Variants in CDH2 observed in about 807,000 individuals in gnomAD.
CDH2 encodes cadherin-2.
Under a neutral mutation model 92.0 loss-of-function variants are expected in CDH2, and 17 were observed. That is an observed-to-expected ratio of 0.18 (90% CI 0.13 to 0.28). The LOEUF (loss-of-function observed/expected upper bound fraction) is 0.28, where lower values mean the gene tolerates loss of function less well. Among genes scored for constraint, CDH2 ranks in the 10% least tolerant of loss-of-function variants. The pLI is 1.00. For synonymous variants in CDH2, 419 were observed against 415.9 expected (o/e 1.01, Z -0.09); for missense variants, 862 against 1,133.1 (o/e 0.76, Z 3.44).
intron 1 of CDH2, among the ~76,000 whole-genome samples, chr18:28,165,266 T>C (rs1281113352): frequency 3.9e-5 from 6 of 152,162 alleles, no homozygotes; most frequent in Admixed American, 3.3e-4. Context: ...CACTGTAACC[T>C]TGAACTACTG....
At chr18:28,061,702 A>T (rs567098140) in intron 2 of CDH2, among the ~76,000 whole-genome samples, 1 of 152,318 alleles carries the variant, frequency 6.6e-6, no homozygotes, top group African/African-American at 2.4e-5. Flanking sequence ...ATAATGTCTA[A>T]AGGGAAGAGG....
intron 2 of CDH2, among the ~76,000 whole-genome samples, chr18:28,078,069 C>T (rs191013020): frequency 1.4e-4 from 21 of 152,226 alleles, no homozygotes; most frequent in African/African-American, 4.6e-4. Context: ...AGATATCCCT[C>T]CCACAGAATA....
intron 1 of CDH2, among the ~76,000 whole-genome samples, chr18:28,173,724 C>A (rs1237853798): frequency 3.3e-5 from 5 of 152,080 alleles, no homozygotes; most frequent in African/African-American, 9.7e-5. Flanking sequence ...TAAATTAGAA[C>A]AATGGGGTTA....
At chr18:27,985,844 A>C in intron 11 of CDH2, 83 bp from the exon 12 acceptor site, 1 of 813,766 alleles carries the variant, frequency 1.2e-6, no homozygotes, top group Non-Finnish European at 2.0e-6. Context: ...CAAAGCTTCT[A>C]ACCTTCTGGC....
At position 27,963,670 on chromosome 18, in the gene CDH2, T is replaced by C. The variant is rs2011467218; in HGVS notation, c.2350-149A>G. The C allele has an allele frequency of 2.6e-5, 16 of 624,012 alleles. No individual in the cohort carries two copies. In the South Asian group the frequency reaches 3.0e-4, roughly 12 times the overall value. The allele number at this position is 624,012 out of a possible 1,614,324, so 38.7% of individuals were successfully genotyped here. On this transcript the variant is annotated intron_variant, in intron 14 of 15. Coordinates refer to ENST00000269141, the MANE Select transcript of CDH2 (RefSeq NM_001792.5). ...TTGCCACTATGAGTTTTTCATGTTA[T>C]GATTAAATATTTCTTTCACACAGCT...
intron 2 of CDH2, among the ~76,000 whole-genome samples, chr18:28,083,776 C>T (rs1344820110): frequency 1.3e-5 from 2 of 152,160 alleles, no homozygotes; most frequent in Non-Finnish European, 2.9e-5. Context: ...TGTTTTTCTG[C>T]TGAGGCAAAT....
In CDH2 at chr18:27,956,619, C is replaced by G. The variant is rs141757881; in HGVS notation, c.2515-4260G>C. 9.3e-3 allele frequency among the ~76,000 whole-genome samples: 1,418 copies of G among 152,246 alleles called. 15 individuals carry two copies. The highest frequency in any genetic ancestry group is 0.011 in the Non-Finnish European group (760 of 68,020). On this transcript the variant is annotated intron_variant, in intron 15 of 15. Coordinates refer to ENST00000269141, the MANE Select transcript of CDH2 (RefSeq NM_001792.5). ...CTAACTGGTCTTCGCCTGTCTCCAG[C>G]ACTGTTCCAGCTTCTTTCCTACAAA...
chr18:27,947,259 G>T (rs537562832), downstream of CDH2, among the ~76,000 whole-genome samples: 7 of 151,702 alleles, frequency 4.6e-5, no homozygotes, highest in African/African-American at 1.7e-4. Flanking sequence ...AGTATCACTA[G>T]AAAAAATGCT....
chr18:27,993,083 T>C (rs1390323305), intron 8 of CDH2, among the ~76,000 whole-genome samples: 1 of 152,190 alleles, frequency 6.6e-6, no homozygotes, highest in Non-Finnish European at 1.5e-5. Flanking sequence ...AAAATCAGCA[T>C]CCATTTGTGA....
intron 7 of CDH2, among the ~76,000 whole-genome samples, chr18:28,000,469 C>A (rs2012730573): frequency 6.6e-6 from 1 of 152,002 alleles, no homozygotes; most frequent in Non-Finnish European, 1.5e-5. Context: ...TACTATTATC[C>A]CCATTTATGG....
chr18:28,114,183 C>T (rs2144259182), intron 2 of CDH2, among the ~76,000 whole-genome samples: 1 of 152,154 alleles, frequency 6.6e-6, no homozygotes, highest in East Asian at 1.9e-4. Flanking sequence ...TTTCAAATAG[C>T]TAGAAGGAAG....
chr18:28,154,403 C>T (rs532628109), intron 1 of CDH2, among the ~76,000 whole-genome samples: 3 of 152,328 alleles, frequency 2.0e-5, no homozygotes, highest in Admixed American at 6.5e-5. Flanking sequence ...TCTGTGCTCT[C>T]GCACAATCAG....
intron 6 of CDH2, among the ~76,000 whole-genome samples, chr18:27,942,553 A>G (rs1197688653): frequency 6.6e-6 from 1 of 152,182 alleles, no homozygotes; most frequent in Admixed American, 6.5e-5. Flanking sequence ...TTCTCAAGGC[A>G]CTTGAGGATG....
intron 2 of CDH2, among the ~76,000 whole-genome samples, chr18:28,080,806 T>C (rs1168756479): frequency 2.6e-5 from 4 of 152,194 alleles, no homozygotes; most frequent in East Asian, 1.9e-4. Flanking sequence ...GAACGGCTTG[T>C]AATACAAAGA....
intron 2 of CDH2, among the ~76,000 whole-genome samples, chr18:28,014,433 A>G (rs764346839): frequency 2.0e-5 from 3 of 152,156 alleles, no homozygotes; most frequent in Non-Finnish European, 4.4e-5. Flanking sequence ...CAGTCTTAAT[A>G]CATAATTTCG....
chr18:27,985,885 A>G, intron 11 of CDH2, 124 bp from the exon 12 acceptor site: 1 of 625,016 alleles, frequency 1.6e-6, no homozygotes, highest in South Asian at 2.1e-5. Flanking sequence ...GGAAAAACAT[A>G]GTTGCTATGG....
At chr18:28,176,060 G>A (rs1375676058) in intron 1 of CDH2, among the ~76,000 whole-genome samples, 2 of 152,232 alleles carry the variant, frequency 1.3e-5, no homozygotes, top group East Asian at 1.9e-4. Flanking sequence ...AGCGTGCAGT[G>A]GCGAGGGAAC....
At chr18:27,982,100 A>G (rs2012074146) in intron 14 of CDH2, among the ~76,000 whole-genome samples, 1 of 152,200 alleles carries the variant, frequency 6.6e-6, no homozygotes, top group Admixed American at 6.5e-5. Flanking sequence ...TTTATACCAC[A>G]AAAGTGGAGA....
intron 14 of CDH2, among the ~76,000 whole-genome samples, chr18:27,972,970 T>C (rs1449042614): frequency 6.6e-6 from 1 of 152,070 alleles, no homozygotes; most frequent in Non-Finnish European, 1.5e-5. Flanking sequence ...TGGACTACGT[T>C]AAAAAAGTGT....
Sources: allele counts gnomAD v4.1 joint callset (sites outside exome capture counted in the v4.1 genomes callset), GRCh38; gene constraint gnomAD v4.1.1; transcripts MANE v1.5; gene names NCBI Gene and HGNC (gene_info 2026-07-23, HGNC 2026-07-21).